Variants in EPS8 observed in about 807,000 individuals in gnomAD.
EPS8 encodes the protein epidermal growth factor receptor kinase substrate 8.
EPS8 carries 42 observed loss-of-function variants against 103.8 expected under a neutral mutation model. That is an observed-to-expected ratio of 0.40 (90% CI 0.32 to 0.52). The LOEUF is 0.52. Among genes scored for constraint, EPS8 ranks in the 20% least tolerant of loss-of-function variants. The pLI, the probability that EPS8 is intolerant of heterozygous loss-of-function variation, is 0.40. For missense variants in EPS8, 969 were observed against 1,005.1 expected (o/e 0.96, Z 0.49); for synonymous variants, 344 against 344.6 (o/e 1.00, Z 0.02).
At chr12:15,741,857 C>T (rs185377244) in intron 1 of EPS8, among the ~76,000 whole-genome samples, 2,284 of 152,236 alleles carry the variant, frequency 0.015, 61 homozygotes, top group African/African-American at 0.052. Flanking sequence ...TGCTATCCCT[C>T]GCCCCTTCCC....
intron 1 of EPS8, among the ~76,000 whole-genome samples, chr12:15,770,620 G>T (rs1481804846): frequency 6.6e-6 from 1 of 152,108 alleles, no homozygotes; most frequent in African/African-American, 2.4e-5. Context: ...TAAAACAATG[G>T]TTTACTTATT....
rs769476803 is a variant in EPS8 at position 15,688,628 on chromosome 12, G to A, written c.-21-5656C>T. Among the ~76,000 whole-genome samples, 2 of 152,048 alleles carry A rather than the reference G, an allele frequency of 1.3e-5. No individual in the cohort carries two copies. Among genetic ancestry groups the A allele is most frequent in the Non-Finnish European group, 2.9e-5 (2 of 68,006 alleles). On this transcript the variant is annotated intron_variant, in intron 1 of 20. Transcript: ENST00000281172. This position sits in a 1 kb window ranked among gnomAD's most constrained non-coding sequence, Gnocchi z 5.1. ...AGGCCACTAACCAGCAGAATGACGC[G>A]GAATTTGGAGTTTAGCAGGGGCAGC... is the stretch of plus-strand genomic sequence containing the variant.
At position 15,684,097 on chromosome 12, in the gene EPS8, T is replaced by G. The variant is rs976870087; in HGVS notation, c.-21-1125A>C. ...AAACAGATAATGAATAAGTGTAAAA[T>G]TTTAAGTTGTACTTATCATTACAAA... On this transcript the variant is annotated intron_variant, in intron 1 of 20. Transcript: ENST00000281172. This position sits in a 1 kb window ranked among gnomAD's most constrained non-coding sequence, Gnocchi z 4.9. 2.0e-5 allele frequency: 3 copies of G among 152,166 alleles called. No homozygotes were observed. Among genetic ancestry groups the G allele is most frequent in the Non-Finnish European group, 4.4e-5 (3 of 68,014 alleles). 9.4% of individuals were successfully genotyped at this position (152,166 alleles called of 1,614,324 possible). A position where few individuals can be genotyped will look rare whatever the true frequency, so the allele number is the denominator to read the frequency against.
At chr12:15,774,592 A>G (rs1184306504) in intron 1 of EPS8, among the ~76,000 whole-genome samples, 1 of 147,998 alleles carries the variant, frequency 6.8e-6, no homozygotes, top group Non-Finnish European at 1.5e-5. Flanking sequence ...ATAAATATAT[A>G]TGTACACATA....
Position 15,706,406 on chromosome 12 carries a change from T to G in EPS8, c.-21-23434A>C, listed in dbSNP as rs114164280. ...CTAGAATAATTATCTTTTATATCTT[T>G]GCCTATCTAAATCTTGTATCTCAGC... On this transcript the variant is annotated intron_variant, in intron 1 of 20. Coordinates refer to ENST00000281172, the MANE Select transcript of EPS8 (RefSeq NM_004447.6). This position sits in a 1 kb window ranked among gnomAD's most constrained non-coding sequence, Gnocchi z 5.2. Among the ~76,000 whole-genome samples, 1,123 of 152,244 alleles carry G rather than the reference T, an allele frequency of 7.4e-3. 13 individuals are homozygous for G. Among genetic ancestry groups the G allele is most frequent in the African/African-American group, 0.025 (1,043 of 41,560 alleles).
chr12:15,713,881 C>A lies in EPS8; in HGVS notation c.-21-30909G>T, dbSNP rs558325809. 4.6e-5 allele frequency among the ~76,000 whole-genome samples: 7 copies of A among 152,260 alleles called. No individual in the cohort carries two copies. Among genetic ancestry groups the A allele is most frequent in the Admixed American group, 1.3e-4 (2 of 15,290 alleles). ...TGCTATAAGAAATTAAAATCCTAAA[C>A]CTATGACACAACAGTTTTGAAATGT... On this transcript the variant is annotated intron_variant, in intron 1 of 20. Transcript: ENST00000281172. This position sits in a 1 kb window ranked among gnomAD's most constrained non-coding sequence, Gnocchi z 4.8.
rs560603265 is a variant in EPS8, at chr12:15,728,541, T to G, written c.-21-45569A>C. Among the ~76,000 whole-genome samples the G allele has an allele frequency of 3.3e-5, 5 of 152,202 alleles. No homozygotes were observed. Among genetic ancestry groups the G allele is most frequent in the Non-Finnish European group, 5.9e-5 (4 of 68,030 alleles). ...ACTCTCCCGGGTGCTGAGTCATTAA[T>G]AGAATTTGAAGAGTCAGGCATTGCT... On this transcript the variant is annotated intron_variant, in intron 1 of 20. Coordinates refer to ENST00000281172, the MANE Select transcript of EPS8 (RefSeq NM_004447.6). This position sits in a 1 kb window ranked among gnomAD's most constrained non-coding sequence, Gnocchi z 4.5.
chr12:15,782,718 C>T (rs1345255878), intron 1 of EPS8, among the ~76,000 whole-genome samples: 5 of 151,956 alleles, frequency 3.3e-5, no homozygotes, highest in East Asian at 1.9e-4. Flanking sequence ...GTATCATTCG[C>T]GGTCAAGAGA....
At chr12:15,768,769 T>C (rs553414581) in intron 1 of EPS8, among the ~76,000 whole-genome samples, 2 of 152,236 alleles carry the variant, frequency 1.3e-5, no homozygotes, top group Non-Finnish European at 2.9e-5. Flanking sequence ...TATTGACATA[T>C]ATGAAGTCAT....
intron 15 of EPS8, among the ~76,000 whole-genome samples, chr12:15,644,290 T>C (rs906207946): frequency 6.6e-6 from 1 of 152,208 alleles, no homozygotes; most frequent in East Asian, 1.9e-4. Context: ...TTCCTTTTTT[T>C]GTCTATAAAT....
chr12:15,735,633 ACTT>A lies in EPS8; in HGVS notation c.-21-52664_-21-52662del, dbSNP rs768579229. On this transcript the variant is annotated intron_variant, in intron 1 of 20. Transcript: ENST00000281172. The surrounding 1 kb of genome is among the most constrained non-coding windows in gnomAD (Gnocchi z 4.4). ...GTAAGTAAAATAGGCACATTTAAGT[ACTT>A]CTTCTATGTAGATGTGCATGTATAT... Among the ~76,000 whole-genome samples the A allele has an allele frequency of 5.3e-5, 8 of 152,318 alleles. No homozygotes were observed. Among genetic ancestry groups the A allele is most frequent in the South Asian group, 2.1e-4 (1 of 4,822 alleles).
chr12:15,684,413 A>C lies in EPS8; in HGVS notation c.-21-1441T>G, dbSNP rs1022351560. ...TACTTAAATTAATACCTGACTCTTC[A>C]CTAAACTCTTAGCCCCCAAAAGGCT... On this transcript the variant is annotated intron_variant, in intron 1 of 20. Transcript: ENST00000281172. The surrounding 1 kb of genome is among the most constrained non-coding windows in gnomAD (Gnocchi z 4.9). The C allele has an allele frequency of 2.6e-5, 4 of 152,176 alleles. No homozygotes were observed. The highest frequency in any genetic ancestry group is 7.2e-5 in the African/African-American group (3 of 41,446). 9.4% of individuals were successfully genotyped at this position (152,176 alleles called of 1,614,324 possible).
chr12:15,666,575 T>C (rs542656407), intron 6 of EPS8, 53 bp from the exon 7 acceptor site: 31 of 1,299,764 alleles, frequency 2.4e-5, no homozygotes, highest in Middle Eastern at 1.8e-4. Context: ...TGAGTCTTGA[T>C]ATGTAGTTTA....
In EPS8 at chr12:15,669,685, G is replaced by C. The variant is rs777551955; in HGVS notation, c.345C>G (p.Ser115Arg). The change falls in exon 5 of 21, where the codon AGC becomes AGG. Residue 115 changes from serine to arginine, a missense_variant. Physicochemically the swap from Ser to Arg is moderately radical, Grantham distance 110. Transcript: ENST00000281172. ...TTGCCTTTGATTCTAAATCAATCAG[G>C]CTCACAGCTCTGTCATCCACTTGAA... Reference protein sequence around the residue: ...MILQVDDRAVSLIDLESKNEL... With the variant: ...MILQVDDRAVRLIDLESKNEL... The C allele has an allele frequency of 2.5e-6, 4 of 1,607,134 alleles. No homozygotes were observed. Among genetic ancestry groups the C allele is most frequent in the Non-Finnish European group, 3.4e-6 (4 of 1,177,812 alleles).
rs1947150592 is a variant in EPS8, at chr12:15,771,197, C to T, written c.-22+17964G>A. Reference sequence around the variant, plus strand: ...TATAGAGATAAATTAAAAAGTTATTCCAAATATAGACAAGAGGGACACTGA... The same window carrying T: ...TATAGAGATAAATTAAAAAGTTATTTCAAATATAGACAAGAGGGACACTGA... On this transcript the variant is annotated intron_variant, in intron 1 of 20. Transcript: ENST00000281172. The surrounding 1 kb of genome is among the most constrained non-coding windows in gnomAD (Gnocchi z 4.6). 1.3e-5 allele frequency among the ~76,000 whole-genome samples: 2 copies of T among 152,052 alleles called. No homozygotes were observed. Among genetic ancestry groups the T allele is most frequent in the Non-Finnish European group, 2.9e-5 (2 of 67,998 alleles).
Position 15,772,261 on chromosome 12 carries a change from AG to A in EPS8, c.-22+16899del, listed in dbSNP as rs1947162722. 6.6e-6 allele frequency among the ~76,000 whole-genome samples: 1 copy of A among 152,102 alleles called. No individual in the cohort carries two copies. The highest frequency in any genetic ancestry group is 6.6e-5 in the Admixed American group (1 of 15,264). ...CCAAGTAGAGAGACAGAAAGAGATG[AG>A]GGGGCCAGAGTAAAAGCAAGAAATT... is the stretch of plus-strand genomic sequence containing the variant. On this transcript the variant is annotated intron_variant, in intron 1 of 20. Transcript: ENST00000281172. The surrounding 1 kb of genome is among the most constrained non-coding windows in gnomAD (Gnocchi z 5.0).
rs906289810 is a variant in EPS8, at chr12:15,779,695, C to T, written c.-22+9466G>A. Among the ~76,000 whole-genome samples the T allele has an allele frequency of 8.5e-5, 13 of 152,222 alleles. No homozygotes were observed. In the South Asian group the frequency reaches 1.0e-3, roughly 12 times the overall value. On this transcript the variant is annotated intron_variant, in intron 1 of 20. Transcript: ENST00000281172. This position sits in a 1 kb window ranked among gnomAD's most constrained non-coding sequence, Gnocchi z 4.3. ...TGTTTCTCCCTCATTTAAGTACAAACTTCTCTTCCTTCTATCAATCTTTTT... is the reference window on the plus strand; with the variant it reads ...TGTTTCTCCCTCATTTAAGTACAAATTTCTCTTCCTTCTATCAATCTTTTT...
chr12:15,788,351 C>T (rs1947330800), intron 1 of EPS8, among the ~76,000 whole-genome samples: 1 of 152,164 alleles, frequency 6.6e-6, no homozygotes, highest in Admixed American at 6.5e-5. Flanking sequence ...ATTTCAAATC[C>T]TAACCACGGC....
intron 20 of EPS8, 138 bp downstream of exon 20, chr12:15,623,020 A>T: frequency 1.3e-6 from 1 of 773,388 alleles, no homozygotes; most frequent in Non-Finnish European, 2.0e-6. Flanking sequence ...TGATGATCTC[A>T]GTGACAAATT....
Sources: allele counts gnomAD v4.1 joint callset (sites outside exome capture counted in the v4.1 genomes callset), GRCh38; gene constraint gnomAD v4.1.1; non-coding constraint Gnocchi (gnomAD v3.1); transcripts MANE v1.5; gene names NCBI Gene and HGNC (gene_info 2026-07-23, HGNC 2026-07-21).